Variants in KCNAB1 observed in about 807,000 individuals in gnomAD.
KCNAB1 encodes potassium voltage-gated channel subfamily A regulatory beta subunit 1, also known as voltage-gated potassium channel subunit beta-1.
A neutral mutation model predicts 64.6 loss-of-function variants in KCNAB1; 35 were observed. That is an observed-to-expected ratio of 0.54 (90% CI 0.41 to 0.72). The LOEUF is 0.72. KCNAB1 is among the 30% of genes least tolerant of loss of function. The pLI is 0.00. For synonymous variants in KCNAB1, 177 were observed against 183.8 expected (o/e 0.96, Z 0.30); for missense variants, 401 against 512.9 (o/e 0.78, Z 2.11).
chr3:156,444,211 T>G (rs1717236343), intron 2 of KCNAB1, among the ~76,000 whole-genome samples: 3 of 152,070 alleles, frequency 2.0e-5, no homozygotes, highest in Non-Finnish European at 2.9e-5. Flanking sequence ...CAGACATAGG[T>G]CTTCATGTAG....
rs544183015 is a variant in KCNAB1, at chr3:156,221,423, A to G, written c.275+100537A>G. Among the ~76,000 whole-genome samples the G allele has an allele frequency of 2.0e-5, 3 of 152,280 alleles. No individual in the cohort carries two copies. The South Asian group carries it at 6.2e-4, about 32-fold the overall frequency. On this transcript the variant is annotated intron_variant, in intron 1 of 13. Coordinates refer to ENST00000490337, the MANE Select transcript of KCNAB1 (RefSeq NM_172160.3). ...ATCAGATTAACAGATTTCTCAGCAG[A>G]AACCATAGAAGGGATTGGGGTCCTA... is the stretch of plus-strand genomic sequence containing the variant.
At chr3:156,164,596 G>A (rs62286169) in intron 1 of KCNAB1, among the ~76,000 whole-genome samples, 8,177 of 152,228 alleles carry the variant, frequency 0.054, 264 homozygotes, top group East Asian at 0.15. Flanking sequence ...CAAAAGATCC[G>A]TGAAGGAATT....
At chr3:156,221,779 C>CCG (rs1560143999) in intron 1 of KCNAB1, among the ~76,000 whole-genome samples, 2 of 146,964 alleles carry the variant, frequency 1.4e-5, no homozygotes, top group African/African-American at 5.0e-5. Context: ...ACTCCATCCC[C>CCG]CCCCGCCAAA....
chr3:156,273,724 T>A (rs577339478), intron 1 of KCNAB1: 1 of 449,636 alleles, frequency 2.2e-6, no homozygotes, highest in African/African-American at 2.0e-5. Context: ...AGGTGCTTTT[T>A]TTGTGTAGAT....
At chr3:156,199,181 A>G (rs1038419279) in intron 1 of KCNAB1, among the ~76,000 whole-genome samples, 2 of 152,116 alleles carry the variant, frequency 1.3e-5, no homozygotes, top group Non-Finnish European at 1.5e-5. Flanking sequence ...TTCTGCAGAG[A>G]TATCTGCTAT....
intron 2 of KCNAB1, among the ~76,000 whole-genome samples, chr3:156,434,122 C>T (rs1342182676): frequency 6.6e-6 from 1 of 152,114 alleles, no homozygotes; most frequent in Non-Finnish European, 1.5e-5. Flanking sequence ...ACAGATGACT[C>T]AGAAAGATTA....
intron 1 of KCNAB1, among the ~76,000 whole-genome samples, chr3:156,229,905 A>G (rs1017383579): frequency 1.3e-5 from 2 of 152,128 alleles, no homozygotes; most frequent in South Asian, 4.1e-4. Flanking sequence ...GGAAGAGCCT[A>G]TGTCTCAAAC....
intron 1 of KCNAB1, among the ~76,000 whole-genome samples, chr3:156,355,879 G>A (rs1245582390): frequency 6.6e-6 from 1 of 152,056 alleles, no homozygotes; most frequent in Non-Finnish European, 1.5e-5. Flanking sequence ...CACTTTGGGA[G>A]GCCAAGGCAG....
chr3:156,452,783 C>G lies in KCNAB1; in HGVS notation c.320-116C>G. 1 of 707,144 alleles carries G rather than the reference C, an allele frequency of 1.4e-6. No homozygotes were observed. The highest frequency in any genetic ancestry group is 2.7e-5 in the East Asian group (1 of 37,628). 43.8% of individuals were successfully genotyped at this position (707,144 alleles called of 1,614,324 possible). On this transcript the variant is annotated intron_variant, in intron 2 of 13. Coordinates refer to ENST00000490337, the MANE Select transcript of KCNAB1 (RefSeq NM_172160.3). This position sits in a 1 kb window ranked among gnomAD's most constrained non-coding sequence, Gnocchi z 4.6. ...CCACATGTGCCCCTCATCCAGGTAC[C>G]TTTGTGAACTACCCATACAACCTAT...
chr3:156,320,552 A>C (rs1223799902), intron 1 of KCNAB1, among the ~76,000 whole-genome samples: 1 of 152,206 alleles, frequency 6.6e-6, no homozygotes, highest in East Asian at 1.9e-4. Flanking sequence ...CACAGAGAAC[A>C]TTTGGGAGAT....
intron 2 of KCNAB1, among the ~76,000 whole-genome samples, chr3:156,437,544 C>G (rs1327096851): frequency 1.3e-5 from 2 of 152,136 alleles, no homozygotes; most frequent in Non-Finnish European, 2.9e-5. Flanking sequence ...GTGATGCGTC[C>G]CACTTGCACC....
At chr3:156,358,020 G>T (rs1401703149) in intron 1 of KCNAB1, among the ~76,000 whole-genome samples, 1 of 151,930 alleles carries the variant, frequency 6.6e-6, no homozygotes, top group African/African-American at 2.4e-5. Flanking sequence ...TTGTGTGTAA[G>T]TTAATTAAAA....
intron 1 of KCNAB1, among the ~76,000 whole-genome samples, chr3:156,207,128 C>G (rs1714714650): frequency 6.6e-6 from 1 of 152,190 alleles, no homozygotes. Context: ...TGCTCTGCAA[C>G]CCAGAAGGCA....
chr3:156,373,437 A>C lies in KCNAB1; in HGVS notation c.276-48179A>C, dbSNP rs369372011. 5.9e-5 allele frequency among the ~76,000 whole-genome samples: 9 copies of C among 152,368 alleles called. No homozygotes were observed. In the East Asian group the frequency reaches 1.3e-3, roughly 23 times the overall value. ...TTGGAGAGACTTCACAGAAGTGAAG[A>C]GTCAAGGCCTCTCAGGTTTCAAGAG... On this transcript the variant is annotated intron_variant, in intron 1 of 13. Coordinates refer to ENST00000490337, the MANE Select transcript of KCNAB1 (RefSeq NM_172160.3).
chr3:156,448,703 T>C (rs1711768510), intron 2 of KCNAB1, among the ~76,000 whole-genome samples: 1 of 152,120 alleles, frequency 6.6e-6, no homozygotes, highest in African/African-American at 2.4e-5. Flanking sequence ...TAAAGATTAT[T>C]GATAAGCATT....
At chr3:156,300,629 T>A (rs925446551) in intron 1 of KCNAB1, among the ~76,000 whole-genome samples, 3 of 151,956 alleles carry the variant, frequency 2.0e-5, no homozygotes, top group African/African-American at 7.2e-5. Context: ...GGAAAAAAAA[T>A]GTTTTTCATA....
At chr3:156,386,786 C>G (rs1712628112) in intron 1 of KCNAB1, among the ~76,000 whole-genome samples, 1 of 152,140 alleles carries the variant, frequency 6.6e-6, no homozygotes, top group Non-Finnish European at 1.5e-5. Context: ...AAACTGGGGC[C>G]AGATGCTCAA....
intron 1 of KCNAB1, among the ~76,000 whole-genome samples, chr3:156,177,367 TTTTATTTC>T (rs920245963): frequency 1.3e-5 from 2 of 152,108 alleles, no homozygotes. Context: ...TTTATGGTAT[TTTTATTTC>T]TTTATTTCTT....
chr3:156,522,505 A>C (rs1559928892), intron 11 of KCNAB1, among the ~76,000 whole-genome samples: 1 of 152,232 alleles, frequency 6.6e-6, no homozygotes, highest in East Asian at 1.9e-4. Flanking sequence ...GAGGCTTCTC[A>C]GAGCTAAGGC....
Sources: gnomAD v4.1 joint callset for allele counts (sites outside exome capture counted in the v4.1 genomes callset) on GRCh38, gnomAD v4.1.1 for gene constraint, Gnocchi (gnomAD v3.1) non-coding constraint, MANE v1.5 for transcripts, NCBI Gene and HGNC (gene_info 2026-07-23, HGNC 2026-07-21) for gene names.